The following ZNF385B variants were observed in gnomAD, a reference collection of about 807,000 sequenced individuals.
ZNF385B encodes the protein zinc finger protein 533.
Under a neutral mutation model 39.2 loss-of-function variants are expected in ZNF385B, and 23 were observed. The observed-to-expected ratio is 0.59, with a 90% CI of 0.42 to 0.83. The LOEUF (loss-of-function observed/expected upper bound fraction) is 0.83. Ranked by LOEUF, ZNF385B falls within the 40% of genes least tolerant of loss-of-function variation. The pLI, the probability that ZNF385B is intolerant of heterozygous loss-of-function variation, is 0.00. For synonymous variants in ZNF385B, 205 were observed against 222.6 expected, an observed-to-expected ratio of 0.92 and a Z score of 0.70; for missense variants, 552 against 598.9, an observed-to-expected ratio of 0.92 and a Z score of 0.82.
At chr2:179,762,596 G>T (rs1007146594) in intron 3 of ZNF385B, among the ~76,000 whole-genome samples, 10 of 152,254 alleles carry the variant, frequency 6.6e-5, no homozygotes, top group African/African-American at 2.4e-4. Context: ...GATTCAATTT[G>T]CTCACATTTT....
At chr2:179,593,053 A>C (rs1036799045) in intron 3 of ZNF385B, among the ~76,000 whole-genome samples, 2 of 152,174 alleles carry the variant, frequency 1.3e-5, no homozygotes, top group Admixed American at 1.3e-4. Flanking sequence ...TAACTTCCCC[A>C]GGATTGAATA....
chr2:179,806,054 G>C (rs1706327937), intron 1 of ZNF385B, among the ~76,000 whole-genome samples: 2 of 152,042 alleles, frequency 1.3e-5, no homozygotes, highest in Admixed American at 1.3e-4. Flanking sequence ...AATCATTAAG[G>C]AAGATTGTTA....
At chr2:179,817,022 T>A (rs1018373617) in intron 1 of ZNF385B, among the ~76,000 whole-genome samples, 3 of 152,156 alleles carry the variant, frequency 2.0e-5, no homozygotes, top group Admixed American at 1.3e-4. Context: ...AAAGCTTCAT[T>A]GTGAATAACA....
intron 5 of ZNF385B, among the ~76,000 whole-genome samples, chr2:179,511,113 C>T (rs769515204): frequency 2.0e-5 from 3 of 152,178 alleles, no homozygotes; most frequent in African/African-American, 4.8e-5. Context: ...ATAGCTGCTG[C>T]AGGGACTTGC....
At chr2:179,859,371 T>G (rs1455272001) in intron 1 of ZNF385B, among the ~76,000 whole-genome samples, 1 of 152,234 alleles carries the variant, frequency 6.6e-6, no homozygotes, top group Non-Finnish European at 1.5e-5. Flanking sequence ...TTTTTCAATA[T>G]AGATGATACT....
At chr2:179,686,326 T>C (rs1043648166) in intron 3 of ZNF385B, among the ~76,000 whole-genome samples, 2 of 152,200 alleles carry the variant, frequency 1.3e-5, no homozygotes, top group African/African-American at 4.8e-5. Context: ...CTGCCCCATA[T>C]TGTGAGCTTC....
At chr2:179,671,451 T>C (rs1369800059) in intron 3 of ZNF385B, among the ~76,000 whole-genome samples, 2 of 152,234 alleles carry the variant, frequency 1.3e-5, no homozygotes, top group African/African-American at 4.8e-5. Flanking sequence ...TTGAAAAGCA[T>C]ATTCAAGACA....
intron 3 of ZNF385B, among the ~76,000 whole-genome samples, chr2:179,757,564 A>C (rs1389839572): frequency 1.3e-5 from 2 of 152,168 alleles, no homozygotes; most frequent in Non-Finnish European, 2.9e-5. Context: ...CCAGAGGTGG[A>C]GTCTACAGAG....
Position 179,588,415 on chromosome 2 carries a change from C to G in ZNF385B, c.299-43446G>C, listed in dbSNP as rs149318232. Among the ~76,000 whole-genome samples, 8 of 152,202 alleles carry G rather than the reference C, an allele frequency of 5.3e-5. No homozygotes were observed. The East Asian group carries it at 1.5e-3, about 29-fold the overall frequency. On this transcript the variant is annotated intron_variant, in intron 3 of 9. Coordinates refer to ENST00000410066, the MANE Select transcript of ZNF385B (RefSeq NM_152520.6). The stretch of plus-strand genomic sequence containing the variant: ...CTATTCTGCCTGGGCAAACTTTTAT[C>G]TCAAAGAGGGGGAATGAATAGGGAA...
In ZNF385B at chr2:179,443,114, T is replaced by C. The variant is rs1044136624; in HGVS notation, c.*136A>G. ...TCTAGTGATGTGTTTCTCTCTGGAA[T>C]TGGGGGACTGGGTGGTGGGCTGCAT... On this transcript the variant is annotated 3_prime_UTR_variant, in exon 10 of 10. Transcript: ENST00000410066. 13 of 903,382 alleles carry C rather than the reference T, an allele frequency of 1.4e-5. No individual in the cohort carries two copies. Among genetic ancestry groups the C allele is most frequent in the African/African-American group, 3.3e-5 (2 of 59,996 alleles). 56.0% of individuals were successfully genotyped at this position (903,382 alleles called of 1,614,324 possible). A position where few individuals can be genotyped will look rare whatever the true frequency, so the allele number is the denominator to read the frequency against.
intron 3 of ZNF385B, among the ~76,000 whole-genome samples, chr2:179,602,745 G>C (rs193297123): frequency 6.6e-6 from 1 of 152,224 alleles, no homozygotes; most frequent in Admixed American, 6.5e-5. Context: ...TTTTCCAATG[G>C]AGTAATTTTA....
intron 3 of ZNF385B, among the ~76,000 whole-genome samples, chr2:179,693,944 A>AT (rs982473868): frequency 3.3e-5 from 5 of 152,144 alleles, no homozygotes; most frequent in Non-Finnish European, 7.4e-5. Context: ...ATAAAAACAC[A>AT]TTTTTTTCTT....
intron 6 of ZNF385B, 62 bp downstream of exon 6, chr2:179,483,210 G>C (rs534085561): frequency 6.3e-7 from 1 of 1,581,826 alleles, no homozygotes; most frequent in African/African-American, 1.3e-5. Context: ...GCAGGAAAAC[G>C]GGGTCAGGGC....
At chr2:179,501,045 T>C (rs750938431) in intron 5 of ZNF385B, among the ~76,000 whole-genome samples, 4 of 152,098 alleles carry the variant, frequency 2.6e-5, no homozygotes, top group Non-Finnish European at 5.9e-5. Context: ...TAATGAGATA[T>C]CATCTCACCC....
intron 3 of ZNF385B, among the ~76,000 whole-genome samples, chr2:179,684,696 TACCGAATCAC>T (rs1486623557): frequency 6.6e-6 from 1 of 152,202 alleles, no homozygotes; most frequent in African/African-American, 2.4e-5. Context: ...CATCGTGACA[TACCGAATCAC>T]ACTTCCAACG....
At chr2:179,582,096 C>A (rs966622633) in intron 3 of ZNF385B, among the ~76,000 whole-genome samples, 2 of 152,164 alleles carry the variant, frequency 1.3e-5, no homozygotes, top group Non-Finnish European at 2.9e-5. Flanking sequence ...GATTTTAAAA[C>A]TTCCTCATAA....
At chr2:179,805,836 T>G (rs1003274577) in intron 1 of ZNF385B, among the ~76,000 whole-genome samples, 1 of 152,204 alleles carries the variant, frequency 6.6e-6, no homozygotes, top group Non-Finnish European at 1.5e-5. Context: ...ACATAATGGA[T>G]AGACAAAGAG....
At chr2:179,706,954 G>C (rs534200902) in intron 3 of ZNF385B, among the ~76,000 whole-genome samples, 2 of 152,254 alleles carry the variant, frequency 1.3e-5, no homozygotes, top group South Asian at 4.1e-4. Flanking sequence ...CAATGAGTTA[G>C]GGCTATTATG....
chr2:179,569,522 T>A (rs1321683239), intron 3 of ZNF385B, among the ~76,000 whole-genome samples: 2 of 152,174 alleles, frequency 1.3e-5, no homozygotes, highest in Non-Finnish European at 2.9e-5. Context: ...ACAGCATAAT[T>A]TTCTAGGACA....
Sources: allele counts gnomAD v4.1 joint callset (sites outside exome capture counted in the v4.1 genomes callset), GRCh38; gene constraint gnomAD v4.1.1; transcripts MANE v1.5; gene names NCBI Gene and HGNC (gene_info 2026-07-23, HGNC 2026-07-21).